CNIH3: variants seen among roughly 807,000 people sequenced by gnomAD.
The protein encoded by CNIH3 is cornichon family AMPA receptor auxiliary protein 3, also known as protein cornichon homolog 3.
A neutral mutation model predicts 24.1 loss-of-function variants in CNIH3; 14 were observed. The ratio of observed to expected loss-of-function variants is 0.58; its 90% CI spans 0.38 to 0.91. CNIH3 has a LOEUF of 0.91. CNIH3 is among the 40% of genes least tolerant of loss of function. CNIH3 has a pLI of 0.00. For synonymous variants in CNIH3, 68 were observed against 73.8 expected (o/e 0.92, Z 0.40); for missense variants, 178 against 196.8 (o/e 0.90, Z 0.57).
At chr1:224,602,403 A>T (rs1373734766) in intron 3 of CNIH3, among the ~76,000 whole-genome samples, 1 of 152,044 alleles carries the variant, frequency 6.6e-6, no homozygotes, top group Non-Finnish European at 1.5e-5. Context: ...TCCAATTTAC[A>T]TTTTTTCTTT....
chr1:224,591,252 C>T (rs1419561273), downstream of CNIH3, among the ~76,000 whole-genome samples: 2 of 152,148 alleles, frequency 1.3e-5, no homozygotes, highest in Non-Finnish European at 2.9e-5. Flanking sequence ...TCCTCTATTC[C>T]AGCCACTGTT....
chr1:224,704,048 G>A lies in CNIH3; in HGVS notation c.198+19205G>A, dbSNP rs922947392. On this transcript the variant is annotated intron_variant, in intron 3 of 5. Transcript: ENST00000272133. This position sits in a 1 kb window ranked among gnomAD's most constrained non-coding sequence, Gnocchi z 4.2. Reference sequence around the variant, plus strand: ...CTCTCAGAGGTGCGCCTTTGGTGGAGTGAGAACATGAACTACTGTTCAGGA... The same window carrying A: ...CTCTCAGAGGTGCGCCTTTGGTGGAATGAGAACATGAACTACTGTTCAGGA... 2.7e-5 allele frequency among the ~76,000 whole-genome samples: 4 copies of A among 149,642 alleles called. No individual in the cohort carries two copies. Among genetic ancestry groups the A allele is most frequent in the African/African-American group, 1.0e-4 (4 of 39,038 alleles).
intron 1 of CNIH3, among the ~76,000 whole-genome samples, chr1:224,657,803 C>T (rs1463887801): frequency 1.3e-5 from 2 of 152,088 alleles, no homozygotes; most frequent in Non-Finnish European, 2.9e-5. Flanking sequence ...TTATAAACTG[C>T]TTTTTGAGAA....
intron 3 of CNIH3, among the ~76,000 whole-genome samples, chr1:224,600,044 C>G (rs74149612): frequency 6.6e-6 from 1 of 152,114 alleles, no homozygotes; most frequent in African/African-American, 2.4e-5. Flanking sequence ...GGGTCCATAA[C>G]TCTAGAATGC....
At chr1:224,592,241 G>A (rs1224175140), downstream of CNIH3, among the ~76,000 whole-genome samples, 2 of 152,048 alleles carry the variant, frequency 1.3e-5, no homozygotes, top group Non-Finnish European at 2.9e-5. Context: ...CATGAACTGA[G>A]AAAAATGGAA....
intron 5 of CNIH3, among the ~76,000 whole-genome samples, chr1:224,585,625 C>T (rs1295461584): frequency 2.6e-5 from 4 of 151,928 alleles, no homozygotes; most frequent in Admixed American, 2.6e-4. Flanking sequence ...ACTACAGACA[C>T]ATCACCACAC....
At chr1:224,560,076 T>A (rs1680301749) in intron 3 of CNIH3, among the ~76,000 whole-genome samples, 1 of 152,224 alleles carries the variant, frequency 6.6e-6, no homozygotes. Flanking sequence ...TTTTGATGCA[T>A]TACTTTTCAC....
chr1:224,442,506 T>C (rs1293671656), intron 1 of CNIH3, among the ~76,000 whole-genome samples: 1 of 152,264 alleles, frequency 6.6e-6, no homozygotes, highest in African/African-American at 2.4e-5. Flanking sequence ...AACACTGTTC[T>C]TTTCATTTTG....
At chr1:224,596,097 A>G (rs536688485) in intron 3 of CNIH3, among the ~76,000 whole-genome samples, 1 of 152,346 alleles carries the variant, frequency 6.6e-6, no homozygotes, top group South Asian at 2.1e-4. Flanking sequence ...AATGTAGATG[A>G]AACAGCCTTC....
intron 3 of CNIH3, among the ~76,000 whole-genome samples, chr1:224,695,241 C>T (rs959933918): frequency 1.3e-5 from 2 of 152,180 alleles, no homozygotes; most frequent in African/African-American, 4.8e-5. Flanking sequence ...TTTCAGACTT[C>T]AACCACAACT....
chr1:224,658,436 G>C (rs1485044085), intron 1 of CNIH3, among the ~76,000 whole-genome samples: 1 of 151,970 alleles, frequency 6.6e-6, no homozygotes, highest in Non-Finnish European at 1.5e-5. Context: ...CAAAGTGCTG[G>C]AATTACAGGC....
At chr1:224,571,338 G>A (rs899251989) in intron 4 of CNIH3, among the ~76,000 whole-genome samples, 1 of 152,302 alleles carries the variant, frequency 6.6e-6, no homozygotes, top group East Asian at 1.9e-4. Context: ...ATGTCAGCCA[G>A]GTGAGACACG....
intron 3 of CNIH3, among the ~76,000 whole-genome samples, chr1:224,706,958 CTTTTTTTTT>C (rs71170031): frequency 8.5e-5 from 7 of 82,124 alleles, no homozygotes; most frequent in Admixed American, 5.2e-4. Context: ...TCCTTTCTTT[CTTTTTTTTT>C]TTTTTTTTTT....
downstream of CNIH3, among the ~76,000 whole-genome samples, chr1:224,539,696 C>T (rs148318575): frequency 1.2e-4 from 19 of 152,268 alleles, no homozygotes; most frequent in East Asian, 7.7e-4. Context: ...GCCATTCATA[C>T]CTCCATGTTT....
At position 224,616,728 on chromosome 1, in the gene CNIH3, C is replaced by T. The variant is rs911102395; in HGVS notation, c.-447C>T. The T allele has an allele frequency of 1.9e-5, 19 of 998,846 alleles. No homozygotes were observed. In the African/African-American group the frequency reaches 3.3e-4, roughly 17 times the overall value. The allele number at this position is 998,846 out of a possible 1,614,324, so 61.9% of individuals were successfully genotyped here. On this transcript the variant is annotated 5_prime_UTR_variant, in exon 1 of 6. Coordinates refer to ENST00000272133, the MANE Select transcript of CNIH3 (RefSeq NM_152495.2). ...CCCGGTGGCGCGGGAGGGTCCGGAG[C>T]GGAGCGCTCGTCTCTCCTCAGCGGT...
At chr1:224,514,932 C>T (rs967192782), upstream of CNIH3, among the ~76,000 whole-genome samples, 1 of 152,206 alleles carries the variant, frequency 6.6e-6, no homozygotes, top group African/African-American at 2.4e-5. Flanking sequence ...GGAGCCTAGG[C>T]CAGAGAAGTG....
At chr1:224,474,386 T>G (rs1296601352) in intron 1 of CNIH3, among the ~76,000 whole-genome samples, 1 of 151,616 alleles carries the variant, frequency 6.6e-6, no homozygotes, top group Non-Finnish European at 1.5e-5. Context: ...AAAAAAGTTT[T>G]TCAAGAAAAA....
chr1:224,693,566 T>G (rs183081652), intron 3 of CNIH3, among the ~76,000 whole-genome samples: 1 of 152,134 alleles, frequency 6.6e-6, no homozygotes, highest in African/African-American at 2.4e-5. Flanking sequence ...CTCAGACACA[T>G]CTCATCCTCC....
chr1:224,477,249 TTGGAGCAAAAGTTCACGATG>T lies in CNIH3; in HGVS notation n.204-38489_204-38470del, dbSNP rs540968635. Among the ~76,000 whole-genome samples, 558 of 152,378 alleles carry T rather than the reference TTGGAGCAAAAGTTCACGATG, an allele frequency of 3.7e-3. 3 individuals are homozygous for T. The highest frequency in any genetic ancestry group is 0.013 in the African/African-American group (525 of 41,584). On this transcript the variant is annotated intron_variant and non_coding_transcript_variant, in intron 1 of 5. Coordinates refer to the CNIH3 transcript ENST00000471578. The stretch of plus-strand genomic sequence containing the variant: ...TCTTGGTATGTTCCTATGGTAGTTC[TTGGAGCAAAAGTTCACGATG>T]TGAGTCTCCACATGCTGTTCTGTCC...
Sources: allele counts gnomAD v4.1 joint callset (sites outside exome capture counted in the v4.1 genomes callset), GRCh38; gene constraint gnomAD v4.1.1; non-coding constraint Gnocchi (gnomAD v3.1); transcripts MANE v1.5; gene names NCBI Gene and HGNC (gene_info 2026-07-23, HGNC 2026-07-21).